The following MGMT variants were observed in gnomAD, a reference collection of about 807,000 sequenced individuals.
MGMT encodes methylated-DNA--protein-cysteine methyltransferase.
Under a neutral mutation model 15.9 loss-of-function variants are expected in MGMT, and 14 were observed. The observed-to-expected ratio is 0.88, with a 90% confidence interval of 0.58 to 1.37. The LOEUF is 1.37. Among genes scored for constraint, MGMT ranks in the 40% most tolerant of loss-of-function variants. MGMT has a pLI of 0.00. For missense variants in MGMT, 282 were observed against 268.1 expected (o/e 1.05, Z -0.36); for synonymous variants, 130 against 118.2 (o/e 1.10, Z -0.65).
At chr10:129,598,321 G>T (rs894766365) in intron 2 of MGMT, among the ~76,000 whole-genome samples, 5 of 152,212 alleles carry the variant, frequency 3.3e-5, no homozygotes, top group Admixed American at 3.3e-4. Flanking sequence ...CCGTGGGCAA[G>T]TCTCTTGTTC....
intron 2 of MGMT, among the ~76,000 whole-genome samples, chr10:129,698,926 T>A (rs1274841753): frequency 6.6e-6 from 1 of 152,236 alleles, no homozygotes; most frequent in Non-Finnish European, 1.5e-5. Flanking sequence ...ACATAATGAA[T>A]TGTGCTTAAG....
chr10:129,676,926 T>C (rs1847792948), intron 2 of MGMT, among the ~76,000 whole-genome samples: 1 of 151,722 alleles, frequency 6.6e-6, no homozygotes, highest in African/African-American at 2.4e-5. Flanking sequence ...AAAAGCAGAG[T>C]TATTAATTGG....
At chr10:129,643,505 G>GCA (rs1300922338) in intron 2 of MGMT, among the ~76,000 whole-genome samples, 1 of 152,184 alleles carries the variant, frequency 6.6e-6, no homozygotes, top group Non-Finnish European at 1.5e-5. Flanking sequence ...GACGTGGACG[G>GCA]CAGCAGAGCC....
chr10:129,743,796 T>C (rs571575231), intron 3 of MGMT, among the ~76,000 whole-genome samples: 3 of 152,210 alleles, frequency 2.0e-5, no homozygotes, highest in Non-Finnish European at 4.4e-5. Flanking sequence ...TATATAATAG[T>C]GTGTAAGGCG....
At chr10:129,712,551 G>A (rs890081224) in intron 3 of MGMT, among the ~76,000 whole-genome samples, 1 of 152,028 alleles carries the variant, frequency 6.6e-6, no homozygotes, top group African/African-American at 2.4e-5. Flanking sequence ...TTTCAAAAGC[G>A]CCTCTAACAA....
intron 2 of MGMT, among the ~76,000 whole-genome samples, chr10:129,599,188 G>A (rs1454847851): frequency 6.6e-6 from 1 of 152,210 alleles, no homozygotes; most frequent in East Asian, 1.9e-4. Context: ...TGCCTTATTT[G>A]AACATGGTTT....
intron 1 of MGMT, among the ~76,000 whole-genome samples, chr10:129,479,770 C>T (rs573482974): frequency 5.0e-5 from 6 of 120,928 alleles, no homozygotes; most frequent in East Asian, 5.7e-4. Flanking sequence ...GGGCCCTCTC[C>T]GTGTTGTGGA....
At chr10:129,485,263 A>T (rs1185678846) in intron 1 of MGMT, among the ~76,000 whole-genome samples, 1 of 152,146 alleles carries the variant, frequency 6.6e-6, no homozygotes, top group Non-Finnish European at 1.5e-5. Flanking sequence ...CTGGTACTCC[A>T]TCCTGATGAT....
chr10:129,669,524 A>T (rs934863913), intron 2 of MGMT, among the ~76,000 whole-genome samples: 4 of 152,230 alleles, frequency 2.6e-5, no homozygotes, highest in Non-Finnish European at 5.9e-5. Context: ...GAAAGCATTT[A>T]TAAAATTTTA....
chr10:129,608,463 A>G (rs1202489892), intron 2 of MGMT, among the ~76,000 whole-genome samples: 2 of 152,260 alleles, frequency 1.3e-5, no homozygotes, highest in Non-Finnish European at 2.9e-5. Context: ...TCAGGCTTCT[A>G]AAATAAAGCA....
intron 2 of MGMT, among the ~76,000 whole-genome samples, chr10:129,684,964 G>A (rs2133123078): frequency 6.6e-6 from 1 of 152,350 alleles, no homozygotes. Flanking sequence ...GCATCTTGAT[G>A]TGATGCTACA....
chr10:129,472,133 T>C (rs1845239009), intron 1 of MGMT, among the ~76,000 whole-genome samples: 1 of 152,160 alleles, frequency 6.6e-6, no homozygotes, highest in Non-Finnish European at 1.5e-5. Flanking sequence ...TTTCCTGGTC[T>C]CAGGTGAGGG....
chr10:129,658,703 A>C (rs1206650460), intron 2 of MGMT, among the ~76,000 whole-genome samples: 4 of 152,220 alleles, frequency 2.6e-5, no homozygotes, highest in Non-Finnish European at 5.9e-5. Flanking sequence ...AGTTTAGTTG[A>C]TTGAAATGAA....
rs549630572 is a variant in MGMT at position 129,527,667 on chromosome 10, A to G, written c.-12-8574A>G. On this transcript the variant is annotated intron_variant, in intron 1 of 4. Coordinates refer to ENST00000651593, the MANE Select transcript of MGMT (RefSeq NM_002412.5). Reference sequence around the variant, plus strand: ...GGAGAGAGCTTGCACACACATCGTCACCCTGTCTCTGGTGGTTGTGGCTGC... The same window carrying G: ...GGAGAGAGCTTGCACACACATCGTCGCCCTGTCTCTGGTGGTTGTGGCTGC... Among the ~76,000 whole-genome samples the G allele has an allele frequency of 7.1e-4, 108 of 151,062 alleles. No individual in the cohort carries two copies. The South Asian group carries it at 0.022, about 30-fold the overall frequency.
intron 1 of MGMT, among the ~76,000 whole-genome samples, chr10:129,502,418 A>T (rs1845583692): frequency 6.6e-6 from 1 of 152,150 alleles, no homozygotes; most frequent in South Asian, 2.1e-4. Flanking sequence ...ACCTTTTAAC[A>T]GTCCATTGGC....
rs143940770 is a variant in MGMT, at chr10:129,566,351, T to G, written c.125+29974T>G. Among the ~76,000 whole-genome samples, 4,947 of 152,172 alleles carry G rather than the reference T, an allele frequency of 0.033. 130 individuals carry two copies. Among genetic ancestry groups the G allele is most frequent in the South Asian group, 0.065 (313 of 4,814 alleles). Reference sequence around the variant, plus strand: ...TTGCCAAGGAGATGCTCGCTCGGAGTGGTTGCTCTGGCTCTGGGATTCCAA... The same window carrying G: ...TTGCCAAGGAGATGCTCGCTCGGAGGGGTTGCTCTGGCTCTGGGATTCCAA... On this transcript the variant is annotated intron_variant, in intron 2 of 4. Coordinates refer to ENST00000651593, the MANE Select transcript of MGMT (RefSeq NM_002412.5). This position sits in a 1 kb window ranked among gnomAD's most constrained non-coding sequence, Gnocchi z 4.1.
chr10:129,490,545 T>C (rs574682325), intron 1 of MGMT, among the ~76,000 whole-genome samples: 1 of 152,198 alleles, frequency 6.6e-6, no homozygotes, highest in African/African-American at 2.4e-5. Context: ...GTTAATTATA[T>C]GAAGCTATAT....
intron 2 of MGMT, among the ~76,000 whole-genome samples, chr10:129,652,771 TGGATTCC>T (rs1225520136): frequency 6.6e-6 from 1 of 152,204 alleles, no homozygotes; most frequent in African/African-American, 2.4e-5. Context: ...CAGTGCCTGT[TGGATTCC>T]CTGCCATGCA....
chr10:129,702,922 G>A (rs1192713448), intron 2 of MGMT, among the ~76,000 whole-genome samples: 1 of 152,224 alleles, frequency 6.6e-6, no homozygotes, highest in Non-Finnish European at 1.5e-5. Context: ...GCCGCCGTGA[G>A]AGAGGCCATC....
Sources: gnomAD v4.1 joint callset for allele counts (sites outside exome capture counted in the v4.1 genomes callset) on GRCh38, gnomAD v4.1.1 for gene constraint, Gnocchi (gnomAD v3.1) non-coding constraint, MANE v1.5 for transcripts, NCBI Gene and HGNC (gene_info 2026-07-23, HGNC 2026-07-21) for gene names.